NCSTN: variants seen among roughly 807,000 people sequenced by gnomAD.
NCSTN encodes anterior pharynx-defective 2.
A neutral mutation model predicts 87.0 loss-of-function variants in NCSTN; 22 were observed. That is an observed-to-expected ratio of 0.25 (90% CI 0.18 to 0.36). NCSTN has a LOEUF of 0.36. Ranked by LOEUF, NCSTN falls within the 10% of genes least tolerant of loss-of-function variation. The pLI is 1.00. For missense variants in NCSTN, 693 were observed against 883.3 expected (o/e 0.78, Z 2.73); for synonymous variants, 306 against 327.1 (o/e 0.94, Z 0.69).
intron 11 of NCSTN, 60 bp from the exon 12 acceptor site, chr1:160,355,595 G>A: frequency 8.0e-7 from 1 of 1,246,186 alleles, no homozygotes; most frequent in Non-Finnish European, 1.2e-6. Context: ...GCATTTGAGG[G>A]AGGAAAGGGG....
rs1279951280 is a variant in NCSTN, at chr1:160,353,257, TCATTTC to T, written c.1179+22_1179+27del. ...AACCAGGTAACCTGAGCATCTCCCCTCATTTCCTATTCCTACAGCTCAGAATCCAGA... is the reference window on the plus strand; with the variant it reads ...AACCAGGTAACCTGAGCATCTCCCCTCTATTCCTACAGCTCAGAATCCAGA... On this transcript the variant is annotated intron_variant, in intron 10 of 16. Transcript: ENST00000294785. 1 of 1,614,074 alleles carries T rather than the reference TCATTTC, an allele frequency of 6.2e-7. No individual in the cohort carries two copies. The highest frequency in any genetic ancestry group is 8.5e-7 in the Non-Finnish European group (1 of 1,179,976).
chr1:160,343,548 G>T (rs981972407), intron 1 of NCSTN, 67 bp downstream of exon 1: 76 of 1,430,376 alleles, frequency 5.3e-5, no homozygotes, highest in Non-Finnish European at 7.0e-5. Flanking sequence ...CGCCGCGACC[G>T]CCACTGTCTC....
At chr1:160,347,324 G>C (rs1648553185) in intron 2 of NCSTN, among the ~76,000 whole-genome samples, 1 of 152,170 alleles carries the variant, frequency 6.6e-6, no homozygotes, top group South Asian at 2.1e-4. Context: ...ACCCAGATTT[G>C]ATTTCTGATT....
intron 6 of NCSTN, 38 bp from the exon 7 acceptor site, chr1:160,351,658 T>C (rs778304828): frequency 4.0e-6 from 6 of 1,516,000 alleles, no homozygotes; most frequent in Middle Eastern, 1.7e-4. Context: ...CCTTCTCCTT[T>C]AGCCTTGTTG....
intron 1 of NCSTN, chr1:160,343,749 A>G: frequency 1.5e-6 from 1 of 681,476 alleles, no homozygotes; most frequent in Non-Finnish European, 2.8e-6. Context: ...CTTTGTCCAG[A>G]TGTCTCGTTT....
In NCSTN at chr1:160,355,750, C is replaced by G. The variant is rs201987976; in HGVS notation, c.1448C>G (p.Thr483Ser). Residue 483 changes from threonine to serine, a missense_variant, in exon 12 of 17, where the codon ACT becomes AGT. Physicochemically the swap from Thr to Ser is moderately conservative, Grantham distance 58. Transcript: ENST00000294785. The stretch of plus-strand genomic sequence containing the variant: ...GAGGACCTGAACTTTGTAACAGACA[C>G]TGCCAAGGTAGCACTGAGCCAGGCT... Reference protein sequence around the residue: ...PEEDLNFVTDTAKALADVATV... With the variant: ...PEEDLNFVTDSAKALADVATV... 1 of 1,613,438 alleles carries G rather than the reference C, an allele frequency of 6.2e-7. No homozygotes were observed. The highest frequency in any genetic ancestry group is 8.5e-7 in the Non-Finnish European group (1 of 1,179,310).
chr1:160,356,953 G>A (rs1022803916), intron 15 of NCSTN, 88 bp from the exon 16 acceptor site: 2 of 1,404,218 alleles, frequency 1.4e-6, no homozygotes, highest in African/African-American at 1.4e-5. Flanking sequence ...TAGCTCAATT[G>A]GTTAGAGCAT....
intron 12 of NCSTN, 49 bp downstream of exon 12, chr1:160,355,806 G>A: frequency 1.9e-6 from 3 of 1,602,716 alleles, no homozygotes; most frequent in South Asian, 1.1e-5. Flanking sequence ...CAGTGAAGAT[G>A]CTAGCATTTG....
At chr1:160,347,341 C>G (rs1022576541) in intron 2 of NCSTN, among the ~76,000 whole-genome samples, 10 of 152,180 alleles carry the variant, frequency 6.6e-5, no homozygotes, top group African/African-American at 2.4e-4. Context: ...GATTATAATA[C>G]TCTGCTTCTC....
At chr1:160,357,008 C>T (rs1420604137) in intron 15 of NCSTN, 33 bp from the exon 16 acceptor site, 3 of 1,574,630 alleles carry the variant, frequency 1.9e-6, no homozygotes, top group Non-Finnish European at 2.6e-6. Context: ...GAGGATCACC[C>T]TAGCCGTGTG....
In NCSTN at chr1:160,355,844, C is replaced by A; in HGVS notation, c.1456-19C>A. ...GATAGGAGAGGTGGGCCATTCAGCC[C>A]CCTCCTCACCTACCACAGGCCCTGG... On this transcript the variant is annotated intron_variant, in intron 12 of 16. Transcript: ENST00000294785. 2 of 1,612,008 alleles carry A rather than the reference C, an allele frequency of 1.2e-6. No individual in the cohort carries two copies. Among genetic ancestry groups the A allele is most frequent in the Non-Finnish European group, 1.7e-6 (2 of 1,178,116 alleles).
chr1:160,354,118 G>C lies in NCSTN; in HGVS notation c.1180G>C (p.Val394Leu), dbSNP rs201133439. 26 of 1,613,894 alleles carry C rather than the reference G, an allele frequency of 1.6e-5. No homozygotes were observed. Among genetic ancestry groups the C allele is most frequent in the Non-Finnish European group, 1.8e-5 (21 of 1,179,962 alleles). The part of the protein sequence containing the change: ...SQKNESVRNQ[V>L]EDLLATLEKS... ...AGTTAATCTCCCTCGTACCCCCCAG[G>C]TGGAGGATCTCCTGGCCACATTGGA... The change falls in exon 11 of 17, where the codon GTG becomes CTG. Residue 394 changes from valine (V) to leucine (L), a missense_variant and splice_region_variant. Val to Leu is a conservative substitution (Grantham distance 32, BLOSUM62 1). This residue lies in a region of NCSTN where 108 missense variants were observed against 111.6 expected (regional missense o/e 0.97). Coordinates refer to ENST00000294785, the MANE Select transcript of NCSTN (RefSeq NM_015331.3).
chr1:160,345,712 A>G (rs1447745504), intron 2 of NCSTN, among the ~76,000 whole-genome samples: 2 of 151,626 alleles, frequency 1.3e-5, no homozygotes, highest in Non-Finnish European at 2.9e-5. Context: ...AGGCGGGTGG[A>G]TCACTTGAGG....
intron 7 of NCSTN, 25 bp downstream of exon 7, chr1:160,351,830 TG>T (rs1648857729): frequency 1.0e-5 from 16 of 1,560,544 alleles, no homozygotes; most frequent in Non-Finnish European, 1.4e-5. Context: ...CTGATCAGGA[TG>T]GGCAGGGCTG....
intron 2 of NCSTN, among the ~76,000 whole-genome samples, chr1:160,348,271 C>T (rs1648624171): frequency 6.6e-6 from 1 of 152,176 alleles, no homozygotes; most frequent in Non-Finnish European, 1.5e-5. Flanking sequence ...CAATCTTTAT[C>T]ATGTCATGAG....
intron 10 of NCSTN, 121 bp from the exon 11 acceptor site, chr1:160,353,997 C>T (rs984713610): frequency 4.1e-5 from 44 of 1,083,964 alleles, no homozygotes; most frequent in African/African-American, 2.0e-4. Context: ...TAAAGGTCTA[C>T]TAGAGATAGG....
rs201724928 is a variant in NCSTN at position 160,358,627 on chromosome 1, C to T, written c.*356C>T. 2 of 359,146 alleles carry T rather than the reference C, an allele frequency of 5.6e-6. No individual in the cohort carries two copies. The highest frequency in any genetic ancestry group is 1.1e-5 in the Non-Finnish European group (2 of 184,494). 22.2% of individuals were successfully genotyped at this position (359,146 alleles called of 1,614,324 possible). ...TTCCTGCCCTGTACCTCTCTCTGCT[C>T]CTCACCCCCACCCCTGTACCCAGCC... is the stretch of plus-strand genomic sequence containing the variant. On this transcript the variant is annotated 3_prime_UTR_variant, in exon 17 of 17. Transcript: ENST00000294785.
chr1:160,349,018 A>C lies in NCSTN; in HGVS notation c.210A>C (p.Thr70=). 1 of 1,614,180 alleles carries C rather than the reference A, an allele frequency of 6.2e-7. No individual in the cohort carries two copies. Among genetic ancestry groups the C allele is most frequent in the Middle Eastern group, 1.6e-4 (1 of 6,062 alleles). Residue 70 remains threonine, a synonymous_variant, in exon 3 of 17, where the codon ACA becomes ACC. Transcript: ENST00000294785. The stretch of plus-strand genomic sequence containing the variant: ...TGGCAGCTTCAATTAGTGGAGACAC[A>C]GGGGTTATCCACGTAGTAGAGAAAG... ...IGCQSSISGD[T]GVIHVVEKEE...
Position 160,358,525 on chromosome 1 carries a change from A to G in NCSTN, c.*254A>G. On this transcript the variant is annotated 3_prime_UTR_variant, in exon 17 of 17. Transcript: ENST00000294785. Reference sequence around the variant, plus strand: ...ACTCATGCCAGATTTTGGGATTACAAATAGAAGCTTCTTGCTCCTGTTTAA... The same window carrying G: ...ACTCATGCCAGATTTTGGGATTACAGATAGAAGCTTCTTGCTCCTGTTTAA... 1 of 538,394 alleles carries G rather than the reference A, an allele frequency of 1.9e-6. No individual in the cohort carries two copies. The highest frequency in any genetic ancestry group is 3.0e-5 in the Admixed American group (1 of 32,978). 33.4% of individuals were successfully genotyped at this position (538,394 alleles called of 1,614,324 possible).
Sources: allele counts gnomAD v4.1 joint callset (sites outside exome capture counted in the v4.1 genomes callset), GRCh38; gene constraint gnomAD v4.1.1; regional missense constraint gnomAD v4.1.1; transcripts MANE v1.5; gene names NCBI Gene and HGNC (gene_info 2026-07-23, HGNC 2026-07-21).